The following MYO16 variants were observed in gnomAD, a reference collection of about 807,000 sequenced individuals.
MYO16 encodes myosin XVI, also known as unconventional myosin-XVI.
A neutral mutation model predicts 205.3 loss-of-function variants in MYO16; 94 were observed. The ratio of observed to expected loss-of-function variants is 0.46; its 90% CI spans 0.39 to 0.54. The LOEUF is 0.54. Among genes scored for constraint, MYO16 ranks in the 20% least tolerant of loss-of-function variants. The probability of loss-of-function intolerance (pLI) is 0.00; values close to 1 mark genes in which losing one functional copy is unlikely to be tolerated. For synonymous variants in MYO16, 988 were observed against 954.0 expected (o/e 1.04, Z -0.66); for missense variants, 2,315 against 2,387.5 (o/e 0.97, Z 0.63).
At chr13:108,967,347 A>G (rs1883835982) in intron 20 of MYO16, among the ~76,000 whole-genome samples, 1 of 152,186 alleles carries the variant, frequency 6.6e-6, no homozygotes, top group Non-Finnish European at 1.5e-5. Context: ...ATCATATAGC[A>G]TTTTAAAATA....
intron 9 of MYO16, 89 bp from the exon 10 acceptor site, chr13:108,844,254 G>A (rs544965139): frequency 4.3e-5 from 46 of 1,073,612 alleles, no homozygotes; most frequent in African/African-American, 3.2e-4. Context: ...TAAAACCACC[G>A]TCATAGTCCA....
intron 1 of MYO16, among the ~76,000 whole-genome samples, chr13:108,637,833 C>A (rs1008710775): frequency 6.6e-6 from 1 of 151,984 alleles, no homozygotes; most frequent in Admixed American, 6.6e-5. Flanking sequence ...TGAGATCACA[C>A]CATTGCACTC....
At chr13:108,974,701 G>C (rs929905264) in intron 20 of MYO16, among the ~76,000 whole-genome samples, 4 of 152,128 alleles carry the variant, frequency 2.6e-5, no homozygotes, top group African/African-American at 9.7e-5. Flanking sequence ...CCTCCTAATA[G>C]ATGGATAACA....
chr13:108,928,874 C>T (rs537412948), intron 16 of MYO16, among the ~76,000 whole-genome samples: 1 of 152,080 alleles, frequency 6.6e-6, no homozygotes, highest in African/African-American at 2.4e-5. Flanking sequence ...TTAAAAATGG[C>T]CATATTCAGG....
At chr13:108,906,742 G>A (rs1880997487) in intron 15 of MYO16, among the ~76,000 whole-genome samples, 1 of 152,182 alleles carries the variant, frequency 6.6e-6, no homozygotes. Context: ...TTAAGTGGTA[G>A]CATCTTCCTC....
intron 2 of MYO16, among the ~76,000 whole-genome samples, chr13:108,697,198 G>A (rs1480973002): frequency 3.3e-5 from 5 of 152,154 alleles, no homozygotes; most frequent in Non-Finnish European, 5.9e-5. Flanking sequence ...AAGTAAACCA[G>A]ACAAGAAGTA....
At chr13:108,593,472 A>G (rs1047707180), upstream of MYO16, among the ~76,000 whole-genome samples, 3 of 152,164 alleles carry the variant, frequency 2.0e-5, no homozygotes, top group African/African-American at 7.2e-5. Flanking sequence ...CACCTGAGAC[A>G]CCACCCACGG....
chr13:109,018,544 G>A (rs1885909538), intron 22 of MYO16, among the ~76,000 whole-genome samples: 1 of 152,210 alleles, frequency 6.6e-6, no homozygotes, highest in African/African-American at 2.4e-5. Context: ...GGACGTTTAA[G>A]TCTGCAGAAG....
intron 31 of MYO16, among the ~76,000 whole-genome samples, chr13:109,137,711 C>T (rs948937245): frequency 2.0e-5 from 3 of 152,130 alleles, no homozygotes; most frequent in Non-Finnish European, 4.4e-5. Flanking sequence ...TTTCTGGTTA[C>T]AGTGTGTTGA....
At position 109,046,898 on chromosome 13, in the gene MYO16, T is replaced by G; in HGVS notation, c.2797-18T>G. On this transcript the variant is annotated intron_variant, in intron 23 of 34. Transcript: ENST00000457511. ...CATGTTGAATCATTAGTAATTATGC[T>G]GCTTTCTTTTATTCTAGGTAATGTA... 1 of 1,580,192 alleles carries G rather than the reference T, an allele frequency of 6.3e-7. No individual in the cohort carries two copies. The highest frequency in any genetic ancestry group is 1.3e-5 in the African/African-American group (1 of 74,110).
intron 4 of MYO16, among the ~76,000 whole-genome samples, chr13:108,737,928 G>T (rs1368561241): frequency 6.6e-6 from 1 of 152,172 alleles, no homozygotes; most frequent in Non-Finnish European, 1.5e-5. Context: ...TTGTGTAGAG[G>T]TGTTTATAAT....
At chr13:109,126,224 GA>G (rs1414748167) in intron 30 of MYO16, among the ~76,000 whole-genome samples, 3 of 151,872 alleles carry the variant, frequency 2.0e-5, no homozygotes, top group Admixed American at 2.0e-4. Flanking sequence ...ATTAAATACT[GA>G]AAAAAATCCC....
At chr13:109,196,331 G>A (rs1880151829) in intron 34 of MYO16, among the ~76,000 whole-genome samples, 1 of 152,150 alleles carries the variant, frequency 6.6e-6, no homozygotes, top group Non-Finnish European at 1.5e-5. Context: ...ATCTTAAGTA[G>A]CATTGTAATT....
intron 2 of MYO16, among the ~76,000 whole-genome samples, chr13:108,684,867 C>T (rs968877412): frequency 6.6e-6 from 1 of 152,176 alleles, no homozygotes; most frequent in East Asian, 1.9e-4. Flanking sequence ...TGCCTGGCCC[C>T]AGACCCGCCT....
At chr13:108,730,818 G>T (rs1319773245) in intron 4 of MYO16, among the ~76,000 whole-genome samples, 1 of 152,122 alleles carries the variant, frequency 6.6e-6, no homozygotes, top group Non-Finnish European at 1.5e-5. Context: ...CAGACTCAGC[G>T]CTAAGTTCAT....
Position 108,837,075 on chromosome 13 carries a change from G to A in MYO16, c.1098-7268G>A, listed in dbSNP as rs1013722129. On this transcript the variant is annotated intron_variant, in intron 9 of 34. Coordinates refer to ENST00000457511, the MANE Select transcript of MYO16 (RefSeq NM_001198950.3). ...CACCACCCAAACATCATCTTGAATTGTAGTTCCCATAATCCCCACGTGTGG... is the reference window on the plus strand; with the variant it reads ...CACCACCCAAACATCATCTTGAATTATAGTTCCCATAATCCCCACGTGTGG... 5.9e-5 allele frequency among the ~76,000 whole-genome samples: 9 copies of A among 152,216 alleles called. 1 individual carries two copies. Among genetic ancestry groups the A allele is most frequent in the Non-Finnish European group, 1.3e-4 (9 of 68,038 alleles).
chr13:108,791,815 A>G (rs755564473), intron 5 of MYO16, among the ~76,000 whole-genome samples: 3 of 152,214 alleles, frequency 2.0e-5, no homozygotes, highest in Non-Finnish European at 4.4e-5. Context: ...CACACAGTTT[A>G]AATAACTTTC....
Position 109,027,636 on chromosome 13 carries a change from C to T in MYO16, c.2796+7725C>T, listed in dbSNP as rs277820. ...TGCCTTTGAGGAGGATAAGGACCCTCAGTTGCCACACCATGATATTTATCA... is the reference window on the plus strand; with the variant it reads ...TGCCTTTGAGGAGGATAAGGACCCTTAGTTGCCACACCATGATATTTATCA... On this transcript the variant is annotated intron_variant, in intron 23 of 34. Transcript: ENST00000457511. 5.5e-3 allele frequency among the ~76,000 whole-genome samples: 832 copies of T among 152,090 alleles called. 9 individuals carry two copies. The highest frequency in any genetic ancestry group is 0.019 in the African/African-American group (808 of 41,528).
intron 2 of MYO16, among the ~76,000 whole-genome samples, chr13:108,694,100 T>C (rs190899463): frequency 6.6e-6 from 1 of 152,348 alleles, no homozygotes; most frequent in African/African-American, 2.4e-5. Flanking sequence ...TTTCTCAAAC[T>C]ATTCTACCAT....
Sources: allele counts gnomAD v4.1 joint callset (sites outside exome capture counted in the v4.1 genomes callset), GRCh38; gene constraint gnomAD v4.1.1; transcripts MANE v1.5; gene names NCBI Gene and HGNC (gene_info 2026-07-23, HGNC 2026-07-21).